The following SH3RF3 variants were observed in gnomAD, a reference collection of about 807,000 sequenced individuals.
SH3RF3 encodes SH3 domain containing ring finger 3.
A neutral mutation model predicts 66.3 loss-of-function variants in SH3RF3; 29 were observed. The ratio of observed to expected loss-of-function variants is 0.44; its 90% CI spans 0.33 to 0.60. The LOEUF is 0.60. Ranked by LOEUF, SH3RF3 falls within the 20% of genes least tolerant of loss-of-function variation. The probability of loss-of-function intolerance (pLI) is 0.04; values close to 1 mark genes in which losing one functional copy is unlikely to be tolerated. For synonymous variants in SH3RF3, 583 were observed against 532.0 expected (o/e 1.10, Z -1.32); for missense variants, 1,194 against 1,190.9 (o/e 1.00, Z -0.04).
chr2:109,293,680 G>A (rs1002442111), intron 1 of SH3RF3, among the ~76,000 whole-genome samples: 1 of 152,214 alleles, frequency 6.6e-6, no homozygotes, highest in Non-Finnish European at 1.5e-5. Context: ...GAGTTACATC[G>A]GAAAGTGAGT....
intron 1 of SH3RF3, among the ~76,000 whole-genome samples, chr2:109,155,399 C>G (rs1485554605): frequency 6.6e-6 from 1 of 152,154 alleles, no homozygotes; most frequent in African/African-American, 2.4e-5. Flanking sequence ...CTCCTGAGTT[C>G]ACCTGCCATT....
chr2:109,201,401 C>G (rs577703418), intron 1 of SH3RF3, among the ~76,000 whole-genome samples: 8 of 152,188 alleles, frequency 5.3e-5, no homozygotes, highest in African/African-American at 1.9e-4. Context: ...GGCTGTTTCC[C>G]GGATCTCTCT....
intron 1 of SH3RF3, among the ~76,000 whole-genome samples, chr2:109,267,360 A>AGG (rs1680519997): frequency 6.6e-6 from 1 of 152,178 alleles, no homozygotes; most frequent in African/African-American, 2.4e-5. Context: ...AAGACCCCAA[A>AGG]GGTGATCACT....
intron 1 of SH3RF3, among the ~76,000 whole-genome samples, chr2:109,321,877 A>T (rs1682035732): frequency 6.6e-6 from 1 of 152,206 alleles, no homozygotes; most frequent in Admixed American, 6.5e-5. Flanking sequence ...CCCACTGCTT[A>T]CTTCAAGTCC....
At chr2:109,232,247 A>T (rs188789526) in intron 1 of SH3RF3, among the ~76,000 whole-genome samples, 7 of 152,360 alleles carry the variant, frequency 4.6e-5, no homozygotes, top group Non-Finnish European at 1.0e-4. Context: ...TAGGAGAATT[A>T]CAGTTCCCCA....
intron 2 of SH3RF3, among the ~76,000 whole-genome samples, chr2:109,366,297 T>A (rs1683149459): frequency 6.6e-6 from 1 of 152,178 alleles, no homozygotes; most frequent in South Asian, 2.1e-4. Flanking sequence ...AACTATCAAG[T>A]CCACTAAGTA....
chr2:109,307,766 T>C (rs1293646736), intron 1 of SH3RF3, among the ~76,000 whole-genome samples: 5 of 149,200 alleles, frequency 3.4e-5, no homozygotes, highest in Middle Eastern at 3.2e-3. Context: ...TCATTTTTTA[T>C]GGCTGCATAG....
intron 1 of SH3RF3, among the ~76,000 whole-genome samples, chr2:109,251,876 G>A (rs1317330068): frequency 1.3e-5 from 2 of 152,086 alleles, no homozygotes; most frequent in Non-Finnish European, 2.9e-5. Context: ...AAGAGGATGG[G>A]TTCCAGGGTT....
chr2:109,146,312 G>A (rs577954600), intron 1 of SH3RF3, among the ~76,000 whole-genome samples: 1 of 152,276 alleles, frequency 6.6e-6, no homozygotes, highest in South Asian at 2.1e-4. Context: ...GGGACAAATT[G>A]CCAAAGGGAT....
rs1416718216 is a variant in SH3RF3 at position 109,398,940 on chromosome 2, C to T, written c.1296C>T (p.Thr432=). 6.2e-7 allele frequency: 1 copy of T among 1,610,284 alleles called. No individual in the cohort carries two copies. Among genetic ancestry groups the T allele is most frequent in the African/African-American group, 1.3e-5 (1 of 74,866 alleles). ...CTCATCTGTCGTGCGCTGCTCCCAC[C>T]CAGGTAACATCCCGCGGGCCAGGGC... is the stretch of plus-strand genomic sequence containing the variant. ...DLAHLSCAAP[T]QDVSSSAGST... The change falls in exon 4 of 10, where the codon ACC becomes ACT. Residue 432 remains threonine, a synonymous_variant. Coordinates refer to ENST00000309415, the MANE Select transcript of SH3RF3 (RefSeq NM_001099289.3).
At chr2:109,257,862 T>C (rs1488756661) in intron 1 of SH3RF3, among the ~76,000 whole-genome samples, 1 of 152,142 alleles carries the variant, frequency 6.6e-6, no homozygotes, top group Non-Finnish European at 1.5e-5. Flanking sequence ...TGAGTCACAG[T>C]AAACACAGAC....
At chr2:109,236,092 A>G (rs909629452) in intron 1 of SH3RF3, among the ~76,000 whole-genome samples, 2 of 152,240 alleles carry the variant, frequency 1.3e-5, no homozygotes, top group Non-Finnish European at 2.9e-5. Flanking sequence ...TATAATATGC[A>G]TGAAGCTATT....
chr2:109,362,153 A>C (rs1050536939), intron 2 of SH3RF3, among the ~76,000 whole-genome samples: 1 of 151,990 alleles, frequency 6.6e-6, no homozygotes, highest in Non-Finnish European at 1.5e-5. Context: ...GTGAAGATTT[A>C]GATTATTTAT....
At chr2:109,221,581 C>CAAA (rs60310731) in intron 1 of SH3RF3, among the ~76,000 whole-genome samples, 35 of 63,300 alleles carry the variant, frequency 5.5e-4, no homozygotes, top group African/African-American at 1.6e-3. Flanking sequence ...GACTCCATCT[C>CAAA]AAAAAAAAAA....
intron 1 of SH3RF3, among the ~76,000 whole-genome samples, chr2:109,150,883 A>G (rs1181580576): frequency 1.3e-5 from 2 of 152,198 alleles, no homozygotes; most frequent in African/African-American, 4.8e-5. Context: ...ATGGGCATAT[A>G]AGTCAGTGGG....
intron 5 of SH3RF3, among the ~76,000 whole-genome samples, chr2:109,429,249 C>A (rs572417246): frequency 4.6e-5 from 7 of 152,258 alleles, no homozygotes; most frequent in South Asian, 2.1e-4. Flanking sequence ...CCAACACGAG[C>A]CGCATGCCAG....
chr2:109,369,152 G>A (rs1200404614), intron 2 of SH3RF3, among the ~76,000 whole-genome samples: 1 of 151,710 alleles, frequency 6.6e-6, no homozygotes, highest in East Asian at 1.9e-4. Flanking sequence ...AGACCATCCT[G>A]GCCAACATGG....
At chr2:109,349,474 C>G (rs574559527) in intron 2 of SH3RF3, among the ~76,000 whole-genome samples, 2 of 152,128 alleles carry the variant, frequency 1.3e-5, no homozygotes, top group African/African-American at 4.8e-5. Flanking sequence ...ACACAGAAAC[C>G]CAACTTGCTT....
At chr2:109,205,803 G>C (rs1678796377) in intron 1 of SH3RF3, among the ~76,000 whole-genome samples, 1 of 152,198 alleles carries the variant, frequency 6.6e-6, no homozygotes, top group South Asian at 2.1e-4. Context: ...GGGGATCAGA[G>C]ACAGGGAAGC....
Sources: gnomAD v4.1 joint callset for allele counts (sites outside exome capture counted in the v4.1 genomes callset) on GRCh38, gnomAD v4.1.1 for gene constraint, MANE v1.5 for transcripts, NCBI Gene and HGNC (gene_info 2026-07-23, HGNC 2026-07-21) for gene names.